DIP2A: variants seen among roughly 807,000 people sequenced by gnomAD.
DIP2A encodes the protein disco-interacting protein 2 homolog A.
Under a neutral mutation model 177.4 loss-of-function variants are expected in DIP2A, and 85 were observed. That is an observed-to-expected ratio of 0.48 (90% CI 0.40 to 0.57). The LOEUF (loss-of-function observed/expected upper bound fraction) is 0.57, where lower values mean the gene tolerates loss of function less well. Among genes scored for constraint, DIP2A ranks in the 20% least tolerant of loss-of-function variants. The pLI is 0.00. For missense variants in DIP2A, 1,791 were observed against 2,100.2 expected (o/e 0.85, Z 2.88); for synonymous variants, 886 against 881.8 (o/e 1.00, Z -0.08).
At chr21:46,572,891 C>T (rs753081039), downstream of DIP2A, among the ~76,000 whole-genome samples, 65 of 152,116 alleles carry the variant, frequency 4.3e-4, no homozygotes, top group Non-Finnish European at 8.5e-4. Flanking sequence ...AATACCAGTG[C>T]ATTACAATTG....
At chr21:46,525,532 T>TAGCAATACAGA (rs1267770089) in intron 8 of DIP2A, 1 of 152,236 alleles carries the variant, frequency 6.6e-6, no homozygotes, top group Non-Finnish European at 1.5e-5. Context: ...TATACCACAC[T>TAGCAATACAGA]GTCTTAATTG....
At chr21:46,554,143 G>A in intron 25 of DIP2A, 26 bp from the exon 26 acceptor site, 1 of 1,594,304 alleles carries the variant, frequency 6.3e-7, no homozygotes, top group South Asian at 1.1e-5. Context: ...CCAGCATACA[G>A]ATGAGCTCAA....
Position 46,541,829 on chromosome 21 carries a change from A to C in DIP2A, c.2110A>C (p.Arg704=). The change falls in exon 18 of 38, where the codon AGA becomes CGA. Residue 704 remains arginine (R), a synonymous_variant. Coordinates refer to ENST00000417564, the MANE Select transcript of DIP2A (RefSeq NM_015151.4). ...SMNGLSYGVI[R]VDTEEKLSVL... ...GAACGGTCTAAGTTATGGTGTTATC[A>C]GAGTGGATACTGAAGAAAAGTTGTC... The C allele has an allele frequency of 6.2e-7, 1 of 1,614,046 alleles. No individual in the cohort carries two copies. The highest frequency in any genetic ancestry group is 1.3e-5 in the African/African-American group (1 of 75,052).
chr21:46,495,244 T>TCTCTCTCTCTCTCTC (rs2057273584), intron 3 of DIP2A, among the ~76,000 whole-genome samples: 13 of 38,210 alleles, frequency 3.4e-4, no homozygotes, highest in East Asian at 9.8e-4. Flanking sequence ...CTTCTCTTCT[T>TCTCTCTCTCTCTCTC]TCTCTCTCTC....
At chr21:46,526,740 A>G (rs1376906970) in intron 8 of DIP2A, among the ~76,000 whole-genome samples, 1 of 152,176 alleles carries the variant, frequency 6.6e-6, no homozygotes, top group Non-Finnish European at 1.5e-5. Flanking sequence ...TGGTGTTTGT[A>G]TGTTGATATA....
At position 46,510,993 on chromosome 21, in the gene DIP2A, T is replaced by C. The variant is rs189067667; in HGVS notation, c.905-424T>C. On this transcript the variant is annotated intron_variant, in intron 7 of 37. Coordinates refer to ENST00000417564, the MANE Select transcript of DIP2A (RefSeq NM_015151.4). ...ACATAGTGATAGTTGTTTGGATCCC[T>C]AGGCTGAAGTGGTGGTTCTGCTTGC... is the stretch of plus-strand genomic sequence containing the variant. Among the ~76,000 whole-genome samples, 876 of 152,318 alleles carry C rather than the reference T, an allele frequency of 5.8e-3. 7 individuals carry two copies. Among genetic ancestry groups the C allele is most frequent in the Non-Finnish European group, 9.2e-3 (625 of 68,030 alleles).
At chr21:46,534,161 C>T (rs2059463972) in intron 12 of DIP2A, 48 bp downstream of exon 12, 1 of 1,446,888 alleles carries the variant, frequency 6.9e-7, no homozygotes, top group African/African-American at 1.4e-5. Context: ...GTCCCACAGG[C>T]TTAAGTCTTG....
In DIP2A at chr21:46,504,423, C is replaced by T. The variant is rs775248496; in HGVS notation, c.718C>T (p.Pro240Ser). ...GLVEHSYFER[P>S]QVASVRSVPR... ...CGTGGAGCATTCGTACTTTGAGCGT[C>T]CACAGGTGGCTTCTGTGAGAAGTGT... The change falls in exon 6 of 38, where the codon CCA becomes TCA. Residue 240 changes from proline (P) to serine (S), a missense_variant. Physicochemically the swap from Pro to Ser is moderately conservative, Grantham distance 74 (BLOSUM62 -1). Coordinates refer to ENST00000417564, the MANE Select transcript of DIP2A (RefSeq NM_015151.4). The T allele has an allele frequency of 6.2e-7, 1 of 1,613,888 alleles. No homozygotes were observed. The highest frequency in any genetic ancestry group is 1.1e-5 in the South Asian group (1 of 91,042).
chr21:46,537,084 G>C lies in DIP2A; in HGVS notation c.1643-140G>C. Reference sequence around the variant, plus strand: ...AGATAACCAGGATTATTATTAATTGGTATGTGGTATTTGGAAATGCTGTAT... The same window carrying C: ...AGATAACCAGGATTATTATTAATTGCTATGTGGTATTTGGAAATGCTGTAT... On this transcript the variant is annotated intron_variant, in intron 13 of 37. Coordinates refer to ENST00000417564, the MANE Select transcript of DIP2A (RefSeq NM_015151.4). The surrounding 1 kb of genome is among the most constrained non-coding windows in gnomAD (Gnocchi z 4.1). 6.3e-6 allele frequency: 5 copies of C among 789,578 alleles called. No individual in the cohort carries two copies. Among genetic ancestry groups the C allele is most frequent in the Non-Finnish European group, 1.1e-5 (5 of 445,022 alleles). The allele number at this position is 789,578 out of a possible 1,614,324, so 48.9% of individuals were successfully genotyped here.
At chr21:46,566,007 G>GA in intron 36 of DIP2A, 120 bp downstream of exon 36, 1 of 1,105,658 alleles carries the variant, frequency 9.0e-7, no homozygotes, top group Non-Finnish European at 1.3e-6. Context: ...TGCTCCTTGT[G>GA]GGGGGAAGAT....
In DIP2A at chr21:46,563,541, T is replaced by C. The variant is rs934797308; in HGVS notation, c.4090-317T>C. 1.5e-5 allele frequency: 5 copies of C among 338,352 alleles called. No homozygotes were observed. Among genetic ancestry groups the C allele is most frequent in the Admixed American group, 8.4e-5 (2 of 23,756 alleles). The allele number at this position is 338,352 out of a possible 1,614,324, so 21.0% of individuals were successfully genotyped here. A position where few individuals can be genotyped will look rare whatever the true frequency, so the allele number is the denominator to read the frequency against. On this transcript the variant is annotated intron_variant, in intron 34 of 37. Coordinates refer to ENST00000417564, the MANE Select transcript of DIP2A (RefSeq NM_015151.4). This position sits in a 1 kb window ranked among gnomAD's most constrained non-coding sequence, Gnocchi z 4.3. ...GGGCACAGCAGGGTCACTGCACCCC[T>C]GGATGGATGCCCATCAGGTGCGCTG...
At position 46,480,368 on chromosome 21, in the gene DIP2A, C is replaced by A. The variant is rs142297768; in HGVS notation, c.92-4389C>A. On this transcript the variant is annotated intron_variant, in intron 1 of 37. Coordinates refer to ENST00000417564, the MANE Select transcript of DIP2A (RefSeq NM_015151.4). ...AACAGCATGGGGAAAAACCTGCCCC[C>A]GTGATTCAGTTACCTCCCACTGGGT... 2.6e-3 allele frequency among the ~76,000 whole-genome samples: 398 copies of A among 152,232 alleles called. 3 individuals carry two copies. The highest frequency in any genetic ancestry group is 8.7e-3 in the African/African-American group (362 of 41,524).
chr21:46,567,500 G>A lies in DIP2A; in HGVS notation c.4594G>A (p.Val1532Met). The change falls in exon 38 of 38, where the codon GTG (valine) becomes ATG (methionine). Residue 1532 changes from valine (V) to methionine (M), a missense_variant. Coordinates refer to ENST00000417564, the MANE Select transcript of DIP2A (RefSeq NM_015151.4). The part of the protein sequence containing the change: ...LEEHYLVVGV[V>M]VIVDPGVIPI... The stretch of plus-strand genomic sequence containing the variant: ...GGAGCACTACCTGGTCGTGGGAGTG[G>A]TGGTCATCGTGGACCCAGGGGTGAT... 1 of 1,613,954 alleles carries A rather than the reference G, an allele frequency of 6.2e-7. No individual in the cohort carries two copies. Among genetic ancestry groups the A allele is most frequent in the Non-Finnish European group, 8.5e-7 (1 of 1,179,876 alleles).
At chr21:46,551,422 T>G (rs1489543689) in intron 23 of DIP2A, among the ~76,000 whole-genome samples, 5 of 151,438 alleles carry the variant, frequency 3.3e-5, no homozygotes, top group Non-Finnish European at 7.4e-5. Flanking sequence ...TGTAGTAAAC[T>G]TCTCAATAAG....
intron 23 of DIP2A, 73 bp downstream of exon 23, chr21:46,550,817 G>A (rs895424636): frequency 5.4e-6 from 8 of 1,488,400 alleles, no homozygotes; most frequent in African/African-American, 1.4e-5. Flanking sequence ...TTAGGGTGCG[G>A]CCCTGCTAGA....
chr21:46,562,308 T>C (rs2060693084), intron 34 of DIP2A, among the ~76,000 whole-genome samples: 4 of 152,058 alleles, frequency 2.6e-5, no homozygotes, highest in Admixed American at 2.6e-4. Context: ...TCAGCAGACA[T>C]AGGCACAGAA....
chr21:46,559,698 C>T (rs894565150), intron 32 of DIP2A, among the ~76,000 whole-genome samples: 5 of 152,190 alleles, frequency 3.3e-5, no homozygotes, highest in Non-Finnish European at 7.3e-5. Context: ...GGGATGTTCA[C>T]GTTTGCTCTT....
chr21:46,468,311 C>T (rs575865909), intron 1 of DIP2A, among the ~76,000 whole-genome samples: 26 of 149,706 alleles, frequency 1.7e-4, no homozygotes, highest in Non-Finnish European at 3.0e-4. Flanking sequence ...GCCTATAATC[C>T]CAGCTACTCT....
chr21:46,547,261 A>G, intron 21 of DIP2A: 1 of 1,291,482 alleles, frequency 7.7e-7, no homozygotes, highest in Non-Finnish European at 9.9e-7. Context: ...CCTTAAGAAA[A>G]TAAGGTTTTG....
Sources: allele counts gnomAD v4.1 joint callset (sites outside exome capture counted in the v4.1 genomes callset), GRCh38; gene constraint gnomAD v4.1.1; non-coding constraint Gnocchi (gnomAD v3.1); transcripts MANE v1.5; gene names NCBI Gene and HGNC (gene_info 2026-07-23, HGNC 2026-07-21).